The following ADAP1 variants were observed in gnomAD, a reference collection of about 807,000 sequenced individuals.
ADAP1 encodes ArfGAP with dual PH domains 1.
A neutral mutation model predicts 54.9 loss-of-function variants in ADAP1; 31 were observed. That is an observed-to-expected ratio of 0.56 (90% CI 0.42 to 0.76). The LOEUF is 0.76. ADAP1 is among the 30% of genes least tolerant of loss of function. The pLI, the probability that ADAP1 is intolerant of heterozygous loss-of-function variation, is 0.00. For synonymous variants in ADAP1, 313 were observed against 202.6 expected (o/e 1.55, Z -4.63); for missense variants, 535 against 512.4 (o/e 1.04, Z -0.42).
rs1407119378 is a variant in ADAP1, at chr7:938,596, G to A, written c.83-3091C>T. ...GGCTCCGTCTTCTCCCGAAGCCTTG[G>A]TGAAAGATGCCGCAAATGCTCGGTA... On this transcript the variant is annotated intron_variant, in intron 1 of 10. Transcript: ENST00000265846. The surrounding 1 kb of genome is among the most constrained non-coding windows in gnomAD (Gnocchi z 4.4). Among the ~76,000 whole-genome samples the A allele has an allele frequency of 1.3e-5, 2 of 152,184 alleles. No homozygotes were observed. The highest frequency in any genetic ancestry group is 2.9e-5 in the Non-Finnish European group (2 of 68,036).
intron 3 of ADAP1, among the ~76,000 whole-genome samples, chr7:924,682 G>A (rs1846323242): frequency 6.6e-6 from 1 of 150,776 alleles, no homozygotes; most frequent in African/African-American, 2.4e-5. Flanking sequence ...AGCCCTGGGA[G>A]TCTCCTCACC....
intron 3 of ADAP1, among the ~76,000 whole-genome samples, chr7:925,105 C>T (rs533062535): frequency 2.0e-5 from 3 of 152,148 alleles, no homozygotes; most frequent in South Asian, 4.1e-4. Flanking sequence ...TCCAGGCTCA[C>T]GGGAGGCTCA....
chr7:916,025 C>G (rs1199153101), intron 4 of ADAP1, among the ~76,000 whole-genome samples: 3 of 152,232 alleles, frequency 2.0e-5, no homozygotes, highest in Non-Finnish European at 4.4e-5. Context: ...GAGCCCAGAC[C>G]TGATCTTCCC....
At chr7:949,253 C>G (rs113060200) in intron 1 of ADAP1, among the ~76,000 whole-genome samples, 1 of 152,222 alleles carries the variant, frequency 6.6e-6, no homozygotes, top group Non-Finnish European at 1.5e-5. Context: ...CTGCCTCCCC[C>G]GGGCACATGA....
Position 898,876 on chromosome 7 carries a change from C to G in ADAP1, c.*45G>C, listed in dbSNP as rs1030556906. ...CCCCCCATCCACGGGTCCCCTCCGT[C>G]CAGCCACAGTGAGTCCAATGTCCGT... On this transcript the variant is annotated 3_prime_UTR_variant, in exon 11 of 11. Transcript: ENST00000265846. The G allele has an allele frequency of 1.9e-6, 3 of 1,571,356 alleles. No individual in the cohort carries two copies. In the African/African-American group the frequency reaches 4.1e-5, roughly 21 times the overall value.
At chr7:940,756 T>C (rs1190877300) in intron 1 of ADAP1, among the ~76,000 whole-genome samples, 1 of 152,092 alleles carries the variant, frequency 6.6e-6, no homozygotes, top group Non-Finnish European at 1.5e-5. Context: ...CAACAATATA[T>C]AAAAAGAGTA....
intron 4 of ADAP1, among the ~76,000 whole-genome samples, chr7:908,152 G>T (rs1048614629): frequency 1.3e-5 from 2 of 152,168 alleles, no homozygotes; most frequent in African/African-American, 4.8e-5. Flanking sequence ...ACGCGAGGGG[G>T]CTGTGGGCTC....
rs771228803 is a variant in ADAP1 at position 920,748 on chromosome 7, C to G, written c.306-698G>C. ...TGAGCCCAGACATCCCTGCCCAGAG[C>G]CACCCACCACGGCCTCCCCATCCAC... is the stretch of plus-strand genomic sequence containing the variant. On this transcript the variant is annotated intron_variant, in intron 3 of 10. Transcript: ENST00000265846. This position sits in a 1 kb window ranked among gnomAD's most constrained non-coding sequence, Gnocchi z 4.5. 245 of 1,533,804 alleles carry G rather than the reference C, an allele frequency of 1.6e-4. 1 individual carries two copies. Among genetic ancestry groups the G allele is most frequent in the Non-Finnish European group, 1.6e-4 (178 of 1,134,702 alleles).
chr7:954,926 G>A (rs1051733517), upstream of ADAP1, among the ~76,000 whole-genome samples: 6 of 152,062 alleles, frequency 3.9e-5, no homozygotes, highest in African/African-American at 1.4e-4. Context: ...GTGCCGCCGC[G>A]CGCGGTGGGA....
intron 2 of ADAP1, among the ~76,000 whole-genome samples, chr7:930,835 G>C (rs1348342794): frequency 1.3e-5 from 2 of 151,088 alleles, no homozygotes; most frequent in Non-Finnish European, 2.9e-5. Context: ...AAAGTAGCCA[G>C]GCACGGTGGT....
intron 6 of ADAP1, chr7:901,106 C>T (rs1347121169): frequency 1.1e-5 from 5 of 457,792 alleles, no homozygotes; most frequent in East Asian, 1.4e-4. Flanking sequence ...CGAGAGTGGG[C>T]AGAGAGCAAA....
rs4407767 is a variant in ADAP1, at chr7:898,795, C to A, written c.*126G>T. 1 of 1,345,442 alleles carries A rather than the reference C, an allele frequency of 7.4e-7. No individual in the cohort carries two copies. The highest frequency in any genetic ancestry group is 2.0e-5 in the Admixed American group (1 of 49,204). The allele number at this position is 1,345,442 out of a possible 1,614,324, so 83.3% of individuals were successfully genotyped here. Reference sequence around the variant, plus strand: ...AGCTGAAGCTCGGGCCCTACCTGGCCGCGCCGGGCTGCCCTGAGGAGCAGG... The same window carrying A: ...AGCTGAAGCTCGGGCCCTACCTGGCAGCGCCGGGCTGCCCTGAGGAGCAGG... On this transcript the variant is annotated 3_prime_UTR_variant, in exon 11 of 11. Transcript: ENST00000265846.
chr7:934,898 G>A (rs1472767061), intron 2 of ADAP1, among the ~76,000 whole-genome samples: 2 of 152,196 alleles, frequency 1.3e-5, no homozygotes, highest in African/African-American at 2.4e-5. Flanking sequence ...CTCAGAGGCC[G>A]CCCAGGGGAC....
At position 954,423 on chromosome 7, in the gene ADAP1, C is replaced by G. The variant is rs1353796994; in HGVS notation, c.55G>C (p.Ala19Pro). 2.5e-5 allele frequency: 29 copies of G among 1,139,686 alleles called. No individual in the cohort carries two copies. The highest frequency in any genetic ancestry group is 2.8e-5 in the Non-Finnish European group (26 of 917,304). The allele number at this position is 1,139,686 out of a possible 1,614,324, so 70.6% of individuals were successfully genotyped here. A position where few individuals can be genotyped will look rare whatever the true frequency, so the allele number is the denominator to read the frequency against. Reference sequence around the variant, plus strand: ...GGGGCGCCGCAGTCCGCGCAGCGCGCGTTCCCCGGCCGCTGCAGCAGCTCC... The same window carrying G: ...GGGGCGCCGCAGTCCGCGCAGCGCGGGTTCCCCGGCCGCTGCAGCAGCTCC... ...VLELLQRPGN[A>P]RCADCGAPDP... Residue 19 changes from alanine (A) to proline (P), a missense_variant, in exon 1 of 11, where the codon GCG becomes CCG. Ala to Pro is a conservative substitution (Grantham distance 27). Transcript: ENST00000265846.
chr7:899,277 G>A lies in ADAP1; in HGVS notation c.868-16C>T, dbSNP rs114043409. The stretch of plus-strand genomic sequence containing the variant: ...CGAAGGCGTCCTGTGGGTGGGGACC[G>A]CACTGGAGGCGGGGCCATGTCCCTT... On this transcript the variant is annotated splice_polypyrimidine_tract_variant and intron_variant, in intron 9 of 10. Coordinates refer to ENST00000265846, the MANE Select transcript of ADAP1 (RefSeq NM_006869.4). 2.2e-4 allele frequency: 353 copies of A among 1,611,750 alleles called. 1 individual carries two copies. The African/African-American group carries it at 2.8e-3, about 13-fold the overall frequency.
rs368985148 is a variant in ADAP1, at chr7:899,440, G to C, written c.846C>G (p.Leu282=). ...TTACCAGGGGGTCTTTGAAGTACAT[G>C]AGCCTGCGGTCATCCATGGTGAACC... ...KRWFTMDDRR[L]MYFKDPLDAF... The change falls in exon 9 of 11, where the codon CTC becomes CTG. Residue 282 remains leucine, a synonymous_variant. Coordinates refer to ENST00000265846, the MANE Select transcript of ADAP1 (RefSeq NM_006869.4). 88 of 1,613,050 alleles carry C rather than the reference G, an allele frequency of 5.5e-5. No homozygotes were observed. The highest frequency in any genetic ancestry group is 7.3e-5 in the Non-Finnish European group (86 of 1,179,918).
chr7:927,400 C>G (rs747584867), intron 2 of ADAP1: 4 of 515,470 alleles, frequency 7.8e-6, no homozygotes, highest in African/African-American at 2.0e-5. Context: ...CGCCACACCC[C>G]ACGCCAGCCC....
chr7:907,985 G>C (rs978128209), intron 4 of ADAP1, among the ~76,000 whole-genome samples: 1 of 152,080 alleles, frequency 6.6e-6, no homozygotes, highest in Non-Finnish European at 1.5e-5. Flanking sequence ...CCCTTCCCGG[G>C]GTCGTGGGGC....
intron 4 of ADAP1, among the ~76,000 whole-genome samples, chr7:914,404 C>T (rs562742347): frequency 3.3e-5 from 5 of 152,336 alleles, no homozygotes; most frequent in East Asian, 1.9e-4. Context: ...GCAGGAACGC[C>T]GCCGGGAATC....
Sources: allele counts gnomAD v4.1 joint callset (sites outside exome capture counted in the v4.1 genomes callset), GRCh38; gene constraint gnomAD v4.1.1; non-coding constraint Gnocchi (gnomAD v3.1); transcripts MANE v1.5; gene names NCBI Gene and HGNC (gene_info 2026-07-23, HGNC 2026-07-21).